Variants in OSBPL10 observed in about 807,000 individuals in gnomAD.
OSBPL10 encodes oxysterol-binding protein-related protein 10.
A neutral mutation model predicts 81.7 loss-of-function variants in OSBPL10; 49 were observed. The ratio of observed to expected loss-of-function variants is 0.60; its 90% CI spans 0.48 to 0.76. The LOEUF (loss-of-function observed/expected upper bound fraction) is 0.76. Among genes scored for constraint, OSBPL10 ranks in the 30% least tolerant of loss-of-function variants. The probability of loss-of-function intolerance (pLI) is 0.00; values close to 1 mark genes in which losing one functional copy is unlikely to be tolerated. For missense variants in OSBPL10, 923 were observed against 987.8 expected, an observed-to-expected ratio of 0.93 and a Z score of 0.88; for synonymous variants, 419 against 383.6, an observed-to-expected ratio of 1.09 and a Z score of -1.08.
At chr3:31,910,354 G>T (rs1265056560) in intron 1 of OSBPL10, among the ~76,000 whole-genome samples, 1 of 151,992 alleles carries the variant, frequency 6.6e-6, no homozygotes, top group Non-Finnish European at 1.5e-5. Context: ...GAGTCAGGGG[G>T]CCGGGCGCGG....
chr3:31,943,117 G>A (rs771841682), intron 1 of OSBPL10, among the ~76,000 whole-genome samples: 18 of 152,098 alleles, frequency 1.2e-4, no homozygotes, highest in African/African-American at 3.4e-4. Flanking sequence ...TTGTCCTTTT[G>A]TAACTGGCTT....
chr3:31,703,871 A>C (rs1490549885), intron 6 of OSBPL10: 1 of 152,230 alleles, frequency 6.6e-6, no homozygotes, highest in Non-Finnish European at 1.5e-5. Context: ...TAGCCACCTC[A>C]TAATGGGTAT....
intron 4 of OSBPL10, among the ~76,000 whole-genome samples, chr3:31,820,706 T>G (rs994112226): frequency 6.6e-6 from 1 of 152,174 alleles, no homozygotes; most frequent in African/African-American, 2.4e-5. Context: ...CAGGACACAG[T>G]GAGAAGCCGC....
In OSBPL10 at chr3:31,990,012, G is replaced by T. The variant is rs1479451164; in HGVS notation, n.298+56479C>A. On this transcript the variant is annotated intron_variant and non_coding_transcript_variant, in intron 2 of 3. Transcript: ENST00000479173. ...GTCATCATAGACTTCATACTGGAGA[G>T]AAACCTTACAAATGTGAAGAATGTG... 6.2e-7 allele frequency: 1 copy of T among 1,614,060 alleles called. No individual in the cohort carries two copies. The highest frequency in any genetic ancestry group is 1.3e-5 in the African/African-American group (1 of 74,938).
At chr3:31,794,854 C>G (rs1028987295) in intron 4 of OSBPL10, 1 of 377,612 alleles carries the variant, frequency 2.6e-6, no homozygotes, top group Non-Finnish European at 5.2e-6. Flanking sequence ...TGGGAAAAAA[C>G]TGGATGACAC....
Position 31,838,263 on chromosome 3 carries a change from C to G in OSBPL10, c.538-8032G>C, listed in dbSNP as rs1269440684. On this transcript the variant is annotated intron_variant, in intron 3 of 11. Coordinates refer to ENST00000396556, the MANE Select transcript of OSBPL10 (RefSeq NM_017784.5). Reference sequence around the variant, plus strand: ...CTGTGGCTCAAGCCTGTAATCCCAGCACTTTGGGAGGCTGAGGTGGGCGGA... The same window carrying G: ...CTGTGGCTCAAGCCTGTAATCCCAGGACTTTGGGAGGCTGAGGTGGGCGGA... Among the ~76,000 whole-genome samples, 13 of 152,260 alleles carry G rather than the reference C, an allele frequency of 8.5e-5. No individual in the cohort carries two copies. In the East Asian group the frequency reaches 2.1e-3, roughly 25 times the overall value.
At chr3:31,940,647 A>G (rs904077741) in intron 1 of OSBPL10, among the ~76,000 whole-genome samples, 1 of 151,866 alleles carries the variant, frequency 6.6e-6, no homozygotes, top group African/African-American at 2.4e-5. Context: ...CTGCTCTCAT[A>G]CTGAAGTTCT....
chr3:31,891,958 A>G (rs1695905426), intron 1 of OSBPL10, among the ~76,000 whole-genome samples: 1 of 152,162 alleles, frequency 6.6e-6, no homozygotes. Flanking sequence ...TGCTAAGGAT[A>G]CATGTGGTAT....
chr3:32,056,455 G>A (rs1051559956), intron 1 of OSBPL10, among the ~76,000 whole-genome samples: 6 of 152,228 alleles, frequency 3.9e-5, no homozygotes, highest in Non-Finnish European at 8.8e-5. Flanking sequence ...TACTCTTGTG[G>A]AGTATATTGC....
At chr3:31,891,882 T>C (rs905390877) in intron 1 of OSBPL10, among the ~76,000 whole-genome samples, 8 of 152,178 alleles carry the variant, frequency 5.3e-5, no homozygotes, top group African/African-American at 1.9e-4. Context: ...AACTAAGTTT[T>C]ATTTGTAAGA....
rs145637355 is a variant in OSBPL10, at chr3:31,964,427, G to C, written c.281+16472C>G. Among the ~76,000 whole-genome samples the C allele has an allele frequency of 6.9e-3, 1,053 of 152,302 alleles. 8 individuals carry two copies. The highest frequency in any genetic ancestry group is 0.024 in the African/African-American group (1,017 of 41,560). ...CCGCCTCGGCCTCCCATAGTGATGG[G>C]ATTACAGGCGTCAGCCATGGCACCT... On this transcript the variant is annotated intron_variant, in intron 1 of 11. Coordinates refer to ENST00000396556, the MANE Select transcript of OSBPL10 (RefSeq NM_017784.5).
At chr3:31,847,931 CA>C (rs924144022) in intron 3 of OSBPL10, among the ~76,000 whole-genome samples, 1 of 152,060 alleles carries the variant, frequency 6.6e-6, no homozygotes, top group African/African-American at 2.4e-5. Context: ...GACGAGGAGC[CA>C]GGGGGATGCA....
intron 6 of OSBPL10, among the ~76,000 whole-genome samples, chr3:31,726,502 A>G (rs1388523331): frequency 6.6e-6 from 1 of 151,528 alleles, no homozygotes. Context: ...TTTTTAGTAG[A>G]AACAGGTTTC....
In OSBPL10 at chr3:31,946,852, TAGA is replaced by T. The variant is rs945018890; in HGVS notation, c.281+34044_281+34046del. 7.5e-5 allele frequency among the ~76,000 whole-genome samples: 11 copies of T among 145,966 alleles called. No homozygotes were observed. The East Asian group carries it at 7.9e-4, about 10-fold the overall frequency. Reference sequence around the variant, plus strand: ...ACCATGGAGATGGTGTTGAGGTGCCTAGAAGAAGAGGAGCTTGGGCTCAGGGAG... The same window carrying T: ...ACCATGGAGATGGTGTTGAGGTGCCTAGAAGAGGAGCTTGGGCTCAGGGAG... On this transcript the variant is annotated intron_variant, in intron 1 of 11. Coordinates refer to ENST00000396556, the MANE Select transcript of OSBPL10 (RefSeq NM_017784.5).
chr3:32,074,419 T>C lies in OSBPL10; in HGVS notation n.185+2977A>G, dbSNP rs144098321. Among the ~76,000 whole-genome samples the C allele has an allele frequency of 3.5e-3, 533 of 152,250 alleles. 2 individuals carry two copies. The highest frequency in any genetic ancestry group is 0.012 in the African/African-American group (509 of 41,526). On this transcript the variant is annotated intron_variant and non_coding_transcript_variant, in intron 1 of 3. Transcript: ENST00000479173. Reference sequence around the variant, plus strand: ...AACCTTCCACTGTCCAAATGTTCCTTTACTCTTTATCTCCAGAACCCAGCC... The same window carrying C: ...AACCTTCCACTGTCCAAATGTTCCTCTACTCTTTATCTCCAGAACCCAGCC...
At chr3:31,795,819 A>C (rs1176062459) in intron 4 of OSBPL10, 2 of 245,318 alleles carry the variant, frequency 8.2e-6, no homozygotes, top group Non-Finnish European at 1.8e-5. Flanking sequence ...ACTTCCTTCT[A>C]CCTGAGAGAG....
At chr3:31,942,563 A>G (rs1463410630) in intron 1 of OSBPL10, among the ~76,000 whole-genome samples, 1 of 149,638 alleles carries the variant, frequency 6.7e-6, no homozygotes, top group Non-Finnish European at 1.5e-5. Context: ...AAAGTGACAC[A>G]TTTCCTCTTA....
At chr3:31,923,667 G>C (rs1439932020) in intron 1 of OSBPL10, among the ~76,000 whole-genome samples, 1 of 152,112 alleles carries the variant, frequency 6.6e-6, no homozygotes, top group Non-Finnish European at 1.5e-5. Context: ...CACACCTGTA[G>C]TCCTACCTAC....
chr3:31,922,909 G>A (rs1037607301), intron 1 of OSBPL10, among the ~76,000 whole-genome samples: 7 of 151,912 alleles, frequency 4.6e-5, no homozygotes, highest in African/African-American at 9.7e-5. Context: ...AGCACAAAAC[G>A]GAAGCTATTT....
Sources: gnomAD v4.1 joint callset for allele counts (sites outside exome capture counted in the v4.1 genomes callset) on GRCh38, gnomAD v4.1.1 for gene constraint, MANE v1.5 for transcripts, NCBI Gene and HGNC (gene_info 2026-07-23, HGNC 2026-07-21) for gene names.